The following SACS variants were observed in gnomAD, a reference collection of about 807,000 sequenced individuals.
SACS encodes the protein sacsin.
In SACS, 197 loss-of-function variants were observed where a neutral mutation model predicts 348.0. The ratio of observed to expected loss-of-function variants is 0.57; its 90% confidence interval spans 0.50 to 0.64. The LOEUF (loss-of-function observed/expected upper bound fraction) is 0.64. Ranked by LOEUF, SACS falls within the 30% of genes least tolerant of loss-of-function variation. The probability of loss-of-function intolerance (pLI) is 0.00; values close to 1 mark genes in which losing one functional copy is unlikely to be tolerated. For missense variants in SACS, 4,999 were observed against 5,360.8 expected (o/e 0.93, Z 2.11); for synonymous variants, 1,985 against 1,910.6 (o/e 1.04, Z -1.02).
intron 1 of SACS, chr13:23,426,887 A>C (rs575047620): frequency 1.3e-5 from 2 of 152,302 alleles, no homozygotes; most frequent in South Asian, 2.1e-4. Context: ...AGTTTTCCTT[A>C]GTGATTTTGG....
At position 23,333,431 on chromosome 13, in the gene SACS, A is replaced by G; in HGVS notation, c.10445T>C (p.Leu3482Ser). The G allele has an allele frequency of 6.2e-7, 1 of 1,611,114 alleles. No individual in the cohort carries two copies. ...DDLEVYLKHL[L>S]PKIENLSYDA... ...ATAAGAGAGATTTTCAATTTTTGGT[A>G]AGAGGTGTTTCAAATATACCTCAAG... Residue 3482 changes from leucine to serine, a missense_variant, in exon 10 of 10, where the codon TTA (leucine) becomes TCA (serine). Transcript: ENST00000382292.
At position 23,331,544 on chromosome 13, in the gene SACS, T is replaced by G; in HGVS notation, c.12332A>C (p.Asp4111Ala). ...ATATGAAGTGTCAGAAATCAAATTGTCAGTTGCTGATTTAAGAGTCATTGC... is the reference window on the plus strand; with the variant it reads ...ATATGAAGTGTCAGAAATCAAATTGGCAGTTGCTGATTTAAGAGTCATTGC... ...ALAMTLKSAT[D>A]NLISDTSYLI... Residue 4111 changes from aspartate (D) to alanine (A), a missense_variant, in exon 10 of 10, where the codon GAC becomes GCC. This residue lies in a region of SACS where 831 missense variants were observed against 941.8 expected (regional missense o/e 0.88). Coordinates refer to ENST00000382292, the MANE Select transcript of SACS (RefSeq NM_014363.6). The G allele has an allele frequency of 6.2e-7, 1 of 1,613,790 alleles. No individual in the cohort carries two copies. The highest frequency in any genetic ancestry group is 1.6e-4 in the Middle Eastern group (1 of 6,062).
Position 23,409,040 on chromosome 13 carries a change from C to CTTT in SACS, c.20+2177_20+2179dup, listed in dbSNP as rs1175897856. Among the ~76,000 whole-genome samples the CTTT allele has an allele frequency of 2.5e-3, 88 of 35,140 alleles. 23 individuals carry two copies. The highest frequency in any genetic ancestry group is 7.8e-3 in the African/African-American group (68 of 8,716). 23.1% of individuals were successfully genotyped at this position (35,140 alleles called of 152,430 possible). A position where few individuals can be genotyped will look rare whatever the true frequency, so the allele number is the denominator to read the frequency against. On this transcript the variant is annotated intron_variant, in intron 2 of 9. Coordinates refer to ENST00000382292, the MANE Select transcript of SACS (RefSeq NM_014363.6). The stretch of plus-strand genomic sequence containing the variant: ...TATGGTCTTAATAAAACAAGTTTTA[C>CTTT]TTTTTTTTTTTTTTTTTTTTTTTTT...
chr13:23,429,345 ATTTTTTTTTTT>A (rs536939164), intron 1 of SACS, among the ~76,000 whole-genome samples: 19 of 51,472 alleles, frequency 3.7e-4, no homozygotes, highest in South Asian at 1.1e-3. Flanking sequence ...TGAGGTAGGG[ATTTTTTTTTTT>A]TTTTTTTTTT....
chr13:23,337,743 T>A lies in SACS; in HGVS notation c.6133A>T (p.Ile2045Leu), dbSNP rs765525218. The A allele has an allele frequency of 1.9e-6, 3 of 1,613,910 alleles. No individual in the cohort carries two copies. The highest frequency in any genetic ancestry group is 2.5e-6 in the Non-Finnish European group (3 of 1,179,966). ...TCTGAAAATGTGTTTTCAAGTAGTA[T>A]CTGTTTGCAGCCAGCTTCTTCAAAT... ...LGFEEAGCKQ[I>L]LLENTFSEKQ... is the part of the protein sequence containing the mutation. The change falls in exon 10 of 10, where the codon ATA becomes TTA. Residue 2045 changes from isoleucine (I) to leucine (L), a missense_variant. By Grantham distance (5) the Ile-to-Leu change is conservative. This residue lies in a region of SACS where 3,156 missense variants were observed against 3,380.1 expected (regional missense o/e 0.93). Coordinates refer to ENST00000382292, the MANE Select transcript of SACS (RefSeq NM_014363.6).
chr13:23,421,385 C>G (rs768485444), intron 1 of SACS, among the ~76,000 whole-genome samples: 9 of 152,006 alleles, frequency 5.9e-5, no homozygotes, highest in Non-Finnish European at 1.2e-4. Context: ...AGTGTGCCGT[C>G]CCATGAGGAT....
At chr13:23,383,871 T>A (rs1331531469) in intron 2 of SACS, among the ~76,000 whole-genome samples, 1 of 152,066 alleles carries the variant, frequency 6.6e-6, no homozygotes, top group Non-Finnish European at 1.5e-5. Context: ...TGCCTCCATA[T>A]CCCTTGTTCA....
At position 23,331,728 on chromosome 13, in the gene SACS, A is replaced by G. The variant is rs147013767; in HGVS notation, c.12148T>C (p.Phe4050Leu). 162 of 1,614,026 alleles carry G rather than the reference A, an allele frequency of 1.0e-4. 1 individual carries two copies. In the African/African-American group the frequency reaches 2.0e-3, roughly 20 times the overall value. ...ALREGLKVSCFEKLQTTLRVK... is the reference protein window; with the variant it reads ...ALREGLKVSCLEKLQTTLRVK... Reference sequence around the variant, plus strand: ...CTTAATGTTGTTTGAAGCTTTTCAAAGCAGGATACTTTCAATCCTTCTCTT... The same window carrying G: ...CTTAATGTTGTTTGAAGCTTTTCAAGGCAGGATACTTTCAATCCTTCTCTT... Residue 4050 changes from phenylalanine to leucine, a missense_variant, in exon 10 of 10, where the codon TTT (phenylalanine) becomes CTT (leucine). This residue lies in a region of SACS where 831 missense variants were observed against 941.8 expected (regional missense o/e 0.88). Coordinates refer to ENST00000382292, the MANE Select transcript of SACS (RefSeq NM_014363.6).
At chr13:23,375,604 G>C in intron 2 of SACS, 1 of 1,001,402 alleles carries the variant, frequency 1.0e-6, no homozygotes, top group East Asian at 9.6e-5. Flanking sequence ...CGCCCGCGGG[G>C]ACACGCCCAC....
intron 4 of SACS, among the ~76,000 whole-genome samples, chr13:23,369,982 C>T (rs1871285942): frequency 1.3e-5 from 2 of 151,982 alleles, no homozygotes; most frequent in African/African-American, 4.8e-5. Flanking sequence ...CCTCAGCTTC[C>T]CAAGTGGCTG....
In SACS at chr13:23,355,362, A is replaced by T; in HGVS notation, c.1250T>A (p.Val417Asp). 1.2e-6 allele frequency: 2 copies of T among 1,614,102 alleles called. No homozygotes were observed. Among genetic ancestry groups the T allele is most frequent in the Non-Finnish European group, 1.7e-6 (2 of 1,180,040 alleles). ...LDSLADELKF[V>D]PIIGIAMPLS... is the part of the protein sequence containing the mutation. The stretch of plus-strand genomic sequence containing the variant: ...AGGCATGGCTATTCCAATGATTGGG[A>T]CAAATTTCAGTTCATCAGCTAAAGA... Residue 417 changes from valine (V) to aspartate (D), a missense_variant, in exon 8 of 10, where the codon GTC (valine) becomes GAC (aspartate). Transcript: ENST00000382292.
At position 23,332,824 on chromosome 13, in the gene SACS, T is replaced by C; in HGVS notation, c.11052A>G (p.Gly3684=). 1.2e-6 allele frequency: 2 copies of C among 1,613,854 alleles called. No individual in the cohort carries two copies. Among genetic ancestry groups the C allele is most frequent in the Non-Finnish European group, 1.7e-6 (2 of 1,179,950 alleles). Residue 3684 remains glycine (G), a synonymous_variant, in exon 10 of 10, where the codon GGA becomes GGG. Transcript: ENST00000382292. The part of the protein sequence containing the change: ...NGTLPLIKFN[G]AQVNPKFKQC... ...GCTTGAATTTTGGATTTACCTGTGCTCCATTGAACTTTATAAGAGGAAGTG... is the reference window on the plus strand; with the variant it reads ...GCTTGAATTTTGGATTTACCTGTGCCCCATTGAACTTTATAAGAGGAAGTG...
At position 23,388,193 on chromosome 13, in the gene SACS, G is replaced by A. The variant is rs562841942; in HGVS notation, c.21-12924C>T. ...TCACAATTGCAAAGATATGGGCCGG[G>A]AGCGGTGGCTCACACCTGTAATCCC... On this transcript the variant is annotated intron_variant, in intron 2 of 9. Transcript: ENST00000382292. 4.6e-5 allele frequency among the ~76,000 whole-genome samples: 7 copies of A among 152,076 alleles called. No homozygotes were observed. In the South Asian group the frequency reaches 1.5e-3, roughly 32 times the overall value.
chr13:23,385,089 A>G (rs1409891383), intron 2 of SACS, among the ~76,000 whole-genome samples: 2 of 151,784 alleles, frequency 1.3e-5, no homozygotes, highest in Non-Finnish European at 2.9e-5. Flanking sequence ...GTGAAACGCC[A>G]TCTCTACTAA....
Position 23,364,777 on chromosome 13 carries a change from A to G in SACS, c.457+389T>C, listed in dbSNP as rs565981698. ...CTTTCTTCCCACCCAACTTCCAAAC[A>G]ATGTCGAGGGTACTCCTAAAGCGGA... On this transcript the variant is annotated intron_variant, in intron 6 of 9. Transcript: ENST00000382292. Among the ~76,000 whole-genome samples, 17 of 152,248 alleles carry G rather than the reference A, an allele frequency of 1.1e-4. No individual in the cohort carries two copies. In the East Asian group the frequency reaches 3.3e-3, roughly 29 times the overall value.
chr13:23,417,004 A>AT (rs988168104), intron 1 of SACS, among the ~76,000 whole-genome samples: 21 of 152,118 alleles, frequency 1.4e-4, no homozygotes, highest in African/African-American at 4.8e-4. Flanking sequence ...TTAATAATAG[A>AT]TTTTTTCAAG....
At chr13:23,386,058 T>G (rs1406671301) in intron 2 of SACS, among the ~76,000 whole-genome samples, 1 of 152,250 alleles carries the variant, frequency 6.6e-6, no homozygotes, top group Non-Finnish European at 1.5e-5. Flanking sequence ...ATAGAGCACA[T>G]GCAGAGTAGA....
chr13:23,387,118 C>T, intron 2 of SACS, among the ~76,000 whole-genome samples: 1 of 151,870 alleles, frequency 6.6e-6, no homozygotes, highest in Non-Finnish European at 1.5e-5. Context: ...GAAAATGGTG[C>T]CAACAGACTT....
chr13:23,351,821 A>T (rs954654705), intron 9 of SACS, among the ~76,000 whole-genome samples: 2 of 152,180 alleles, frequency 1.3e-5, no homozygotes, highest in African/African-American at 2.4e-5. Context: ...ACACTAGATG[A>T]ACATCTAGTG....
Sources: gnomAD v4.1 joint callset for allele counts (sites outside exome capture counted in the v4.1 genomes callset) on GRCh38, gnomAD v4.1.1 for gene constraint, gnomAD v4.1.1 regional missense constraint, MANE v1.5 for transcripts, NCBI Gene and HGNC (gene_info 2026-07-23, HGNC 2026-07-21) for gene names.